CUX1: variants seen among roughly 807,000 people sequenced by gnomAD.
CUX1 encodes the protein protein CASP.
In CUX1, 31 loss-of-function variants were observed where a neutral mutation model predicts 158.8. The observed-to-expected ratio is 0.20, with a 90% CI of 0.15 to 0.26. CUX1 has a LOEUF of 0.26. Among genes scored for constraint, CUX1 ranks in the 10% least tolerant of loss-of-function variants. The pLI, the probability that CUX1 is intolerant of heterozygous loss-of-function variation, is 1.00. For missense variants in CUX1, 1,589 were observed against 2,014.6 expected, an observed-to-expected ratio of 0.79 and a Z score of 4.04; for synonymous variants, 879 against 862.1, an observed-to-expected ratio of 1.02 and a Z score of -0.34.
Position 102,065,235 on chromosome 7 carries a change from C to T in CUX1, c.190-5104C>T, listed in dbSNP as rs957388796. Among the ~76,000 whole-genome samples, 11 of 152,244 alleles carry T rather than the reference C, an allele frequency of 7.2e-5. No individual in the cohort carries two copies. The South Asian group carries it at 8.3e-4, about 11-fold the overall frequency. ...AGCTGGGACTACAGGCGTGTACCAC[C>T]GTGCCTGTCTAATTTGTATTTTTTT... On this transcript the variant is annotated intron_variant, in intron 3 of 23. Transcript: ENST00000292535.
chr7:101,965,774 G>A (rs557702676), intron 2 of CUX1, among the ~76,000 whole-genome samples: 72 of 149,198 alleles, frequency 4.8e-4, no homozygotes, highest in African/African-American at 1.3e-3. Context: ...GCGTGAACCC[G>A]GGAGGCAGAG....
At chr7:102,125,939 C>T (rs1211397114) in intron 8 of CUX1, among the ~76,000 whole-genome samples, 1 of 151,968 alleles carries the variant, frequency 6.6e-6, no homozygotes, top group Non-Finnish European at 1.5e-5. Flanking sequence ...AGCAATCTTC[C>T]CACCTCAGCC....
At chr7:102,116,490 C>G (rs1160800772) in intron 8 of CUX1, among the ~76,000 whole-genome samples, 3 of 151,984 alleles carry the variant, frequency 2.0e-5, no homozygotes, top group African/African-American at 7.3e-5. Context: ...TTAAAACTTA[C>G]TATATTTCAC....
intron 10 of CUX1, among the ~76,000 whole-genome samples, chr7:102,177,385 G>A: frequency 6.7e-6 from 1 of 149,296 alleles, no homozygotes; most frequent in Non-Finnish European, 1.5e-5. Flanking sequence ...CTGCACTCCA[G>A]CCTGGGCGAC....
intron 1 of CUX1, among the ~76,000 whole-genome samples, chr7:101,898,153 C>G (rs1026168043): frequency 1.3e-5 from 2 of 151,992 alleles, no homozygotes; most frequent in African/African-American, 2.4e-5. Context: ...CTTTTGATAT[C>G]TAGTAAAATT....
chr7:101,926,298 A>T (rs977910210), intron 2 of CUX1, among the ~76,000 whole-genome samples: 2 of 152,244 alleles, frequency 1.3e-5, no homozygotes, highest in Admixed American at 1.3e-4. Context: ...CCAGTTTATC[A>T]ACCCAAGACA....
rs190311473 is a variant in CUX1 at position 101,905,407 on chromosome 7, C to T, written c.31-10708C>T. ...GCAGACCGCTCTGCATCCCTGTATGCGTTGTGGGAAACAGCAGAGGAGGTG... is the reference window on the plus strand; with the variant it reads ...GCAGACCGCTCTGCATCCCTGTATGTGTTGTGGGAAACAGCAGAGGAGGTG... On this transcript the variant is annotated intron_variant, in intron 1 of 23. Coordinates refer to ENST00000292535, the MANE Select transcript of CUX1 (RefSeq NM_181552.4). Among the ~76,000 whole-genome samples, 31 of 152,300 alleles carry T rather than the reference C, an allele frequency of 2.0e-4. No homozygotes were observed. In the East Asian group the frequency reaches 2.9e-3, roughly 14 times the overall value.
At chr7:102,115,929 A>G (rs181550489) in intron 8 of CUX1, among the ~76,000 whole-genome samples, 2 of 152,248 alleles carry the variant, frequency 1.3e-5, no homozygotes, top group Non-Finnish European at 1.5e-5. Flanking sequence ...TCCTCTACCA[A>G]ACTCCCGGGG....
chr7:101,857,776 C>G (rs1284724391), intron 1 of CUX1, among the ~76,000 whole-genome samples: 1 of 152,008 alleles, frequency 6.6e-6, no homozygotes, highest in African/African-American at 2.4e-5. Flanking sequence ...ATTTTTTTCC[C>G]CCCTTAGCTC....
At chr7:102,163,292 C>G (rs529797668) in intron 9 of CUX1, among the ~76,000 whole-genome samples, 1 of 151,644 alleles carries the variant, frequency 6.6e-6, no homozygotes, top group Admixed American at 6.6e-5. Flanking sequence ...TTGAGACCAG[C>G]CTGGGCAACA....
chr7:102,146,783 A>G (rs1835070493), intron 8 of CUX1, among the ~76,000 whole-genome samples: 1 of 152,100 alleles, frequency 6.6e-6, no homozygotes, highest in African/African-American at 2.4e-5. Flanking sequence ...TTTTTAGTAG[A>G]GATGGGGTTT....
chr7:102,056,442 A>T (rs1433570910), intron 3 of CUX1, among the ~76,000 whole-genome samples: 2 of 152,222 alleles, frequency 1.3e-5, no homozygotes, highest in Non-Finnish European at 2.9e-5. Flanking sequence ...GGGCCTTCAG[A>T]ATTAAGCTAC....
In CUX1 at chr7:101,817,761, C is replaced by A; in HGVS notation, c.30+92C>A. The stretch of plus-strand genomic sequence containing the variant: ...TGCCCGGGTCCCGCGGCTTAGAATG[C>A]TCTAGGGCGGCCTGGTGCTCTGGGA... On this transcript the variant is annotated intron_variant, in intron 1 of 23. Coordinates refer to ENST00000292535, the MANE Select transcript of CUX1 (RefSeq NM_181552.4). This position sits in a 1 kb window ranked among gnomAD's most constrained non-coding sequence, Gnocchi z 4.1. 1 of 1,477,232 alleles carries A rather than the reference C, an allele frequency of 6.8e-7. No homozygotes were observed. The highest frequency in any genetic ancestry group is 9.1e-7 in the Non-Finnish European group (1 of 1,097,714). 91.5% of individuals were successfully genotyped at this position (1,477,232 alleles called of 1,614,324 possible).
At chr7:101,835,714 A>G (rs1006241174) in intron 1 of CUX1, among the ~76,000 whole-genome samples, 4 of 152,140 alleles carry the variant, frequency 2.6e-5, no homozygotes, top group Non-Finnish European at 5.9e-5. Context: ...CAACAGTCCA[A>G]TTATACACTT....
intron 2 of CUX1, among the ~76,000 whole-genome samples, chr7:102,019,468 A>C (rs1047620593): frequency 6.6e-6 from 1 of 152,054 alleles, no homozygotes; most frequent in Non-Finnish European, 1.5e-5. Context: ...CATGTGATCC[A>C]CCTGCCTTGG....
chr7:101,958,479 C>CTTTTTTTTTTT (rs11433173), intron 2 of CUX1, among the ~76,000 whole-genome samples: 1 of 112,106 alleles, frequency 8.9e-6, no homozygotes, highest in African/African-American at 3.5e-5. Context: ...ATTTTCTTTT[C>CTTTTTTTTTTT]TTTTTTTTTT....
intron 2 of CUX1, among the ~76,000 whole-genome samples, chr7:101,964,213 C>T (rs1297009044): frequency 3.3e-5 from 5 of 151,960 alleles, no homozygotes; most frequent in African/African-American, 9.7e-5. Flanking sequence ...ATTAGCCTGG[C>T]GCAGTGGTGA....
rs1176381278 is a variant in CUX1 at position 102,280,118 on chromosome 7, CG to C, written c.1764+1del. ...GGACCCCTTCTCCTCCTTCAGCAAG[CG>C]GGTTCGTGAGCCCAGCCTGGGCAGG... On this transcript the variant is annotated frameshift_variant and splice_region_variant, in exon 19 of 23. Coordinates refer to the CUX1 transcript ENST00000292538. LOFTEE classifies it high-confidence loss of function. 5 of 1,605,258 alleles carry C rather than the reference CG, an allele frequency of 3.1e-6. No individual in the cohort carries two copies. Among genetic ancestry groups the C allele is most frequent in the Non-Finnish European group, 3.4e-6 (4 of 1,175,514 alleles).
chr7:102,109,783 CAAAAAAA>C lies in CUX1; in HGVS notation c.531-1908_531-1902del, dbSNP rs574010132. Among the ~76,000 whole-genome samples, 485 of 121,444 alleles carry C rather than the reference CAAAAAAA, an allele frequency of 4.0e-3. 3 individuals carry two copies. The highest frequency in any genetic ancestry group is 0.013 in the African/African-American group (431 of 33,114). The allele number at this position is 121,444 out of a possible 152,430, so 79.7% of individuals were successfully genotyped here. A position where few individuals can be genotyped will look rare whatever the true frequency, so the allele number is the denominator to read the frequency against. On this transcript the variant is annotated intron_variant, in intron 6 of 23. Transcript: ENST00000292535. ...GGGTGACAGAACAAGACCCTGTCTC[CAAAAAAA>C]AAAAAAGAAAAAAGAAAAAATTGCA...
Sources: allele counts gnomAD v4.1 joint callset (sites outside exome capture counted in the v4.1 genomes callset), GRCh38; gene constraint gnomAD v4.1.1; non-coding constraint Gnocchi (gnomAD v3.1); transcripts MANE v1.5; gene names NCBI Gene and HGNC (gene_info 2026-07-23, HGNC 2026-07-21).